The following RABGAP1 variants were observed in gnomAD, a reference collection of about 807,000 sequenced individuals.
RABGAP1 encodes RAB GTPase activating protein 1.
A neutral mutation model predicts 137.6 loss-of-function variants in RABGAP1; 23 were observed. That is an observed-to-expected ratio of 0.17 (90% CI 0.12 to 0.24). The LOEUF is 0.24. RABGAP1 is among the 10% of genes least tolerant of loss of function. RABGAP1 has a pLI of 1.00. For synonymous variants in RABGAP1, 451 were observed against 450.7 expected (o/e 1.00, Z -0.01); for missense variants, 906 against 1,275.8 (o/e 0.71, Z 4.42).
intron 1 of RABGAP1, among the ~76,000 whole-genome samples, chr9:122,951,693 C>G (rs1411000522): frequency 2.0e-5 from 3 of 152,028 alleles, no homozygotes; most frequent in Non-Finnish European, 4.4e-5. Flanking sequence ...GCTCAGCCTC[C>G]CAAGTAGCTG....
chr9:123,051,008 A>T (rs2033429442), intron 13 of RABGAP1, among the ~76,000 whole-genome samples: 1 of 151,900 alleles, frequency 6.6e-6, no homozygotes, highest in Non-Finnish European at 1.5e-5. Context: ...AACTTAGTGA[A>T]GGTAGTTATG....
At position 123,090,360 on chromosome 9, in the gene RABGAP1, T is replaced by C. The variant is rs2034998150; in HGVS notation, c.2603T>C (p.Ile868Thr). 2 of 1,612,766 alleles carry C rather than the reference T, an allele frequency of 1.2e-6. No homozygotes were observed. Among genetic ancestry groups the C allele is most frequent in the Admixed American group, 1.7e-5 (1 of 59,890 alleles). Residue 868 changes from isoleucine (I) to threonine (T), a missense_variant, in exon 21 of 26, where the codon ATT (isoleucine) becomes ACT (threonine). Physicochemically the swap from Ile to Thr is moderately conservative, Grantham distance 89 (BLOSUM62 -1). This residue lies in a region of RABGAP1 where 193 missense variants were observed against 248.1 expected (regional missense o/e 0.78). Transcript: ENST00000373647. ...DLAHELVTSK[I>T]ALRKDLDNAE... is the part of the protein sequence containing the mutation. ...GCCCATGAGCTGGTGACCAGCAAGA[T>C]TGCACTACGGAAGGACCTGGATAAC... is the stretch of plus-strand genomic sequence containing the variant.
intron 13 of RABGAP1, among the ~76,000 whole-genome samples, chr9:123,029,972 T>C (rs533952583): frequency 9.9e-5 from 15 of 152,204 alleles, no homozygotes; most frequent in Admixed American, 7.2e-4. Flanking sequence ...GTCTTTTCCT[T>C]TTTTTGTTAC....
intron 19 of RABGAP1, among the ~76,000 whole-genome samples, chr9:123,082,897 G>A (rs1347067009): frequency 1.3e-5 from 2 of 152,208 alleles, no homozygotes; most frequent in Non-Finnish European, 2.9e-5. Context: ...AACAACACTA[G>A]TTTGAACTTC....
the RABGAP1 span, among the ~76,000 whole-genome samples, chr9:122,933,486 C>G: frequency 6.9e-6 from 1 of 145,262 alleles, no homozygotes; most frequent in Non-Finnish European, 1.5e-5. Flanking sequence ...GGGAGTCTCA[C>G]TGTGTCACCC....
intron 2 of RABGAP1, among the ~76,000 whole-genome samples, chr9:122,968,860 C>G (rs1162716030): frequency 6.6e-6 from 1 of 152,214 alleles, no homozygotes; most frequent in Admixed American, 6.5e-5. Flanking sequence ...GATGATCCAC[C>G]TGCCTTGGCC....
At chr9:123,062,311 C>T (rs2132109783) in intron 13 of RABGAP1, 1 of 152,324 alleles carries the variant, frequency 6.6e-6, no homozygotes, top group African/African-American at 2.4e-5. Flanking sequence ...TTTGTAAGCA[C>T]TTGCTTTGAC....
intron 12 of RABGAP1, among the ~76,000 whole-genome samples, chr9:123,019,415 T>C (rs533896116): frequency 6.6e-6 from 1 of 151,958 alleles, no homozygotes; most frequent in Non-Finnish European, 1.5e-5. Context: ...CTTGAACTCC[T>C]AGGCTCAAGC....
intron 13 of RABGAP1, among the ~76,000 whole-genome samples, chr9:123,060,759 CACT>C (rs2033938765): frequency 6.6e-6 from 1 of 152,080 alleles, no homozygotes; most frequent in Non-Finnish European, 1.5e-5. Flanking sequence ...GACTATATAC[CACT>C]ACAATTACAG....
At position 123,010,386 on chromosome 9, in the gene RABGAP1, C is replaced by T. The variant is rs768563722; in HGVS notation, c.1407C>T (p.Asp469=). The T allele has an allele frequency of 6.2e-7, 1 of 1,613,070 alleles. No homozygotes were observed. The highest frequency in any genetic ancestry group is 1.1e-5 in the South Asian group (1 of 91,018). Residue 469 remains aspartate, a synonymous_variant, in exon 11 of 26, where the codon GAC becomes GAT. Coordinates refer to ENST00000373647, the MANE Select transcript of RABGAP1 (RefSeq NM_012197.4). ...IKQRERKNNT[D]TLYEVVCLES... ...AAAGGGAGAGAAAGAATAATACTGA[C>T]ACTTTATATGAAGTTGTATGCTTGG...
At chr9:122,932,519 TTTC>T in the RABGAP1 span, among the ~76,000 whole-genome samples, 56 of 152,052 alleles carry the variant, frequency 3.7e-4, no homozygotes, top group African/African-American at 5.8e-4. Context: ...TCCCTTTTGA[TTTC>T]TTCTTCTTTT....
At chr9:123,037,977 C>A (rs923089248) in intron 13 of RABGAP1, among the ~76,000 whole-genome samples, 2 of 152,034 alleles carry the variant, frequency 1.3e-5, no homozygotes, top group African/African-American at 2.4e-5. Flanking sequence ...TGGCATGTGA[C>A]TGGTATCAGA....
intron 13 of RABGAP1, among the ~76,000 whole-genome samples, chr9:123,023,450 T>C (rs1173909886): frequency 6.6e-6 from 1 of 152,164 alleles, no homozygotes; most frequent in African/African-American, 2.4e-5. Flanking sequence ...CCCAAAGTGC[T>C]AGGATTACAG....
At chr9:123,065,541 G>C in intron 14 of RABGAP1, 80 bp downstream of exon 14, 1 of 1,039,598 alleles carries the variant, frequency 9.6e-7, no homozygotes, top group Non-Finnish European at 1.5e-6. Context: ...CAACTACAAA[G>C]TGTAATTTGT....
intron 2 of RABGAP1, among the ~76,000 whole-genome samples, chr9:122,962,838 A>G (rs1010501598): frequency 2.6e-5 from 4 of 152,168 alleles, no homozygotes; most frequent in Non-Finnish European, 5.9e-5. Flanking sequence ...TCTCTACAAG[A>G]TATACTTTAG....
At chr9:122,949,609 C>G (rs540856748) in intron 1 of RABGAP1, among the ~76,000 whole-genome samples, 1 of 147,902 alleles carries the variant, frequency 6.8e-6, no homozygotes, top group Non-Finnish European at 1.5e-5. Context: ...GCAGGAGAAT[C>G]GCTTGAACTC....
chr9:122,962,335 C>T (rs1588174381), intron 2 of RABGAP1, among the ~76,000 whole-genome samples: 1 of 151,520 alleles, frequency 6.6e-6, no homozygotes, highest in South Asian at 2.1e-4. Context: ...ATGGTAAAAC[C>T]CCATCTCTAC....
At chr9:123,022,907 AC>A (rs886973390) in intron 13 of RABGAP1, among the ~76,000 whole-genome samples, 74 of 152,028 alleles carry the variant, frequency 4.9e-4, no homozygotes, top group African/African-American at 1.7e-3. Flanking sequence ...CTTTTAACTT[AC>A]TCTGAAATGT....
At chr9:123,098,025 G>A (rs2035234975) in intron 22 of RABGAP1, among the ~76,000 whole-genome samples, 180 bp downstream of exon 22, 1 of 152,202 alleles carries the variant, frequency 6.6e-6, no homozygotes, top group Non-Finnish European at 1.5e-5. Context: ...TCTAGGAGGA[G>A]ACAGTGGGTT....
Sources: allele counts gnomAD v4.1 joint callset (sites outside exome capture counted in the v4.1 genomes callset), GRCh38; gene constraint gnomAD v4.1.1; regional missense constraint gnomAD v4.1.1; transcripts MANE v1.5; gene names NCBI Gene and HGNC (gene_info 2026-07-23, HGNC 2026-07-21).